Variants in ENO2 observed in about 807,000 individuals in gnomAD.
The protein encoded by ENO2 is gamma-enolase.
ENO2 carries 19 observed loss-of-function variants against 48.7 expected under a neutral mutation model. The observed-to-expected ratio is 0.39, with a 90% confidence interval of 0.27 to 0.57. The LOEUF (loss-of-function observed/expected upper bound fraction) is 0.57, where lower values mean the gene tolerates loss of function less well. ENO2 is among the 20% of genes least tolerant of loss of function. The pLI, the probability that ENO2 is intolerant of heterozygous loss-of-function variation, is 0.58. For synonymous variants in ENO2, 198 were observed against 213.4 expected, an observed-to-expected ratio of 0.93 and a Z score of 0.63; for missense variants, 416 against 555.0, an observed-to-expected ratio of 0.75 and a Z score of 2.52.
chr12:6,922,223 C>T lies in ENO2; in HGVS notation c.1176+59C>T, dbSNP rs1945347544. On this transcript the variant is annotated intron_variant, in intron 10 of 11. Transcript: ENST00000229277. The surrounding 1 kb of genome is among the most constrained non-coding windows in gnomAD (Gnocchi z 5.3). ...CTCTGTGGGATTGGTATTTCTAGCT[C>T]ACCCACCTGGTCTCTCCTTCCAGGT... The T allele has an allele frequency of 3.1e-6, 5 of 1,605,748 alleles. No individual in the cohort carries two copies. The highest frequency in any genetic ancestry group is 1.1e-5 in the South Asian group (1 of 90,464).
At position 6,919,592 on chromosome 12, in the gene ENO2, G is replaced by C; in HGVS notation, c.694G>C (p.Asp232His). ...CTTGGAGCTGGTGAAGGAAGCCATC[G>C]ACAAGGCTGGCTACACGGAAAAGAT... Reference protein sequence around the residue: ...EALELVKEAIDKAGYTEKIVI... With the variant: ...EALELVKEAIHKAGYTEKIVI... Residue 232 changes from aspartate to histidine, a missense_variant, in exon 8 of 12, where the codon GAC (aspartate) becomes CAC (histidine). Transcript: ENST00000229277. The C allele has an allele frequency of 6.2e-7, 1 of 1,614,104 alleles. No homozygotes were observed. The highest frequency in any genetic ancestry group is 8.5e-7 in the Non-Finnish European group (1 of 1,180,032).
intron 8 of ENO2, among the ~76,000 whole-genome samples, chr12:6,921,246 T>G (rs1945338205): frequency 6.6e-6 from 1 of 152,168 alleles, no homozygotes; most frequent in African/African-American, 2.4e-5. Context: ...TTTTAAAAAT[T>G]AGCTGAGTGT....
Position 6,918,149 on chromosome 12 carries a change from G to C in ENO2, c.654G>C (p.Leu218=). Residue 218 remains leucine, a synonymous_variant, in exon 7 of 12, where the codon CTG becomes CTC. Transcript: ENST00000229277. The stretch of plus-strand genomic sequence containing the variant: ...AAGGTGGCTTTGCCCCCAATATCCT[G>C]GAGAACAGTGAAGGTGAGGCCAGGA... ...GDEGGFAPNI[L]ENSEALELVK... is the part of the protein sequence containing the mutation. 1 of 1,614,112 alleles carries C rather than the reference G, an allele frequency of 6.2e-7. No homozygotes were observed. Among genetic ancestry groups the C allele is most frequent in the Non-Finnish European group, 8.5e-7 (1 of 1,180,004 alleles).
intron 8 of ENO2, 42 bp downstream of exon 8, chr12:6,919,805 G>C (rs1555141951): frequency 6.2e-7 from 1 of 1,603,574 alleles, no homozygotes; most frequent in Admixed American, 1.7e-5. Context: ...GGGGCAGGCA[G>C]GGACGTGTCC....
chr12:6,918,221 A>G, intron 7 of ENO2, 59 bp downstream of exon 7: 4 of 1,567,510 alleles, frequency 2.6e-6, no homozygotes, highest in Non-Finnish European at 3.5e-6. Flanking sequence ...GACATCAGAA[A>G]GGGTGACACA....
rs3741922 is a variant in ENO2, at chr12:6,923,091, G to A, written c.*291G>A. The A allele has an allele frequency of 0.012, 4,521 of 377,582 alleles. 485 individuals are homozygous for A. In the East Asian group the frequency reaches 0.21, roughly 18 times the overall value. The allele number at this position is 377,582 out of a possible 1,614,324, so 23.4% of individuals were successfully genotyped here. A position where few individuals can be genotyped will look rare whatever the true frequency, so the allele number is the denominator to read the frequency against. ...TGAGGATTATTATAAAAGGGGGTCC[G>A]TGGAAGAATGATCAGCATCTGTGAT... On this transcript the variant is annotated 3_prime_UTR_variant, in exon 12 of 12. Coordinates refer to ENST00000229277, the MANE Select transcript of ENO2 (RefSeq NM_001975.3).
chr12:6,915,687 C>T, intron 1 of ENO2, 134 bp from the exon 2 acceptor site: 1 of 514,592 alleles, frequency 1.9e-6, no homozygotes, highest in Admixed American at 2.6e-5. Flanking sequence ...GCAGCCAGCG[C>T]CTCCCTACCC....
chr12:6,921,981 C>A, intron 9 of ENO2, 75 bp from the exon 10 acceptor site: 1 of 1,593,310 alleles, frequency 6.3e-7, no homozygotes, highest in African/African-American at 1.3e-5. Flanking sequence ...TGTTTCCTGA[C>A]ATAGACCAAG....
At chr12:6,919,212 A>C (rs913502284) in intron 7 of ENO2, among the ~76,000 whole-genome samples, 12 of 152,162 alleles carry the variant, frequency 7.9e-5, no homozygotes, top group African/African-American at 2.9e-4. Context: ...AATAACCTGG[A>C]TTTATTTGAA....
Position 6,922,022 on chromosome 12 carries a change from A to G in ENO2, c.1068-34A>G, listed in dbSNP as rs994699539. ...GGCTGGGAAGAGAGTGCCCAGTGTG[A>G]GAGCTGGAGAATCAGTGCTGTGTGT... is the stretch of plus-strand genomic sequence containing the variant. On this transcript the variant is annotated intron_variant, in intron 9 of 11. Transcript: ENST00000229277. This position sits in a 1 kb window ranked among gnomAD's most constrained non-coding sequence, Gnocchi z 5.3. 1 of 1,612,004 alleles carries G rather than the reference A, an allele frequency of 6.2e-7. No homozygotes were observed.
In ENO2 at chr12:6,916,367, C is replaced by T; in HGVS notation, c.86-50C>T. 2 of 1,565,278 alleles carry T rather than the reference C, an allele frequency of 1.3e-6. No homozygotes were observed. Among genetic ancestry groups the T allele is most frequent in the Non-Finnish European group, 1.7e-6 (2 of 1,148,764 alleles). Reference sequence around the variant, plus strand: ...TAGAGCCAGAAGGCTGAAGGACTCCCTGGCCCCTGTGTCCTCTTCACTCCC... The same window carrying T: ...TAGAGCCAGAAGGCTGAAGGACTCCTTGGCCCCTGTGTCCTCTTCACTCCC... On this transcript the variant is annotated intron_variant, in intron 2 of 11. Transcript: ENST00000229277. The surrounding 1 kb of genome is among the most constrained non-coding windows in gnomAD (Gnocchi z 4.5).
chr12:6,916,332 G>A lies in ENO2; in HGVS notation c.86-85G>A. Reference sequence around the variant, plus strand: ...GTGGGGAGAGAGCTAGATGTGGTAGGCAGGCAGTTTAGAGCCAGAAGGCTG... The same window carrying A: ...GTGGGGAGAGAGCTAGATGTGGTAGACAGGCAGTTTAGAGCCAGAAGGCTG... On this transcript the variant is annotated intron_variant, in intron 2 of 11. Transcript: ENST00000229277. This position sits in a 1 kb window ranked among gnomAD's most constrained non-coding sequence, Gnocchi z 4.5. 7.9e-7 allele frequency: 1 copy of A among 1,271,626 alleles called. No individual in the cohort carries two copies. Among genetic ancestry groups the A allele is most frequent in the Non-Finnish European group, 1.1e-6 (1 of 911,256 alleles). 78.8% of individuals were successfully genotyped at this position (1,271,626 alleles called of 1,614,324 possible).
chr12:6,915,963 G>A (rs782604424), intron 2 of ENO2, 46 bp downstream of exon 2: 3 of 1,607,556 alleles, frequency 1.9e-6, no homozygotes, highest in Non-Finnish European at 2.6e-6. Context: ...GCTTTTCCAC[G>A]GCCAGGCTGG....
chr12:6,921,743 A>G lies in ENO2; in HGVS notation c.1028A>G (p.Lys343Arg). ...AAGGCCTGCAACTGTCTGCTGCTCA[A>G]GGTCAACCAGATCGGCTCGGTCACT... ...EEKACNCLLLKVNQIGSVTEA... is the reference protein window; with the variant it reads ...EEKACNCLLLRVNQIGSVTEA... Residue 343 changes from lysine to arginine, a missense_variant, in exon 9 of 12, where the codon AAG becomes AGG. Physicochemically the swap from Lys to Arg is conservative, Grantham distance 26. Transcript: ENST00000229277. 1 of 1,614,180 alleles carries G rather than the reference A, an allele frequency of 6.2e-7. No individual in the cohort carries two copies. Among genetic ancestry groups the G allele is most frequent in the Non-Finnish European group, 8.5e-7 (1 of 1,180,038 alleles).
chr12:6,918,926 G>T (rs1442227056), intron 7 of ENO2, among the ~76,000 whole-genome samples: 13 of 149,040 alleles, frequency 8.7e-5, no homozygotes, highest in African/African-American at 3.0e-4. Context: ...AGGTTGTGGT[G>T]AGCCGAGATC....
Position 6,919,726 on chromosome 12 carries a change from G to A in ENO2, c.828G>A (p.Leu276=). The change falls in exon 8 of 12, where the codon CTG becomes CTA. Residue 276 remains leucine (L), a synonymous_variant. Coordinates refer to ENST00000229277, the MANE Select transcript of ENO2 (RefSeq NM_001975.3). ...CCCGATACATCACTGGGGACCAGCT[G>A]GGGGCACTCTACCAGGACTTTGTCA... The part of the protein sequence containing the change: ...DPSRYITGDQ[L]GALYQDFVRD... 2 of 1,614,026 alleles carry A rather than the reference G, an allele frequency of 1.2e-6. No homozygotes were observed. The highest frequency in any genetic ancestry group is 1.7e-6 in the Non-Finnish European group (2 of 1,180,014).
At chr12:6,917,375 C>G in intron 5 of ENO2, 1 of 740,470 alleles carries the variant, frequency 1.4e-6, no homozygotes, top group East Asian at 2.7e-5. Context: ...AGAGGTGTGG[C>G]TCTCTGCCGT....
In ENO2 at chr12:6,916,316, G is replaced by C; in HGVS notation, c.86-101G>C. On this transcript the variant is annotated intron_variant, in intron 2 of 11. Coordinates refer to ENST00000229277, the MANE Select transcript of ENO2 (RefSeq NM_001975.3). This position sits in a 1 kb window ranked among gnomAD's most constrained non-coding sequence, Gnocchi z 4.5. ...GATGTTAGGGAGCAGTGTGGGGAGA[G>C]AGCTAGATGTGGTAGGCAGGCAGTT... is the stretch of plus-strand genomic sequence containing the variant. 1 of 1,059,510 alleles carries C rather than the reference G, an allele frequency of 9.4e-7. No individual in the cohort carries two copies. Among genetic ancestry groups the C allele is most frequent in the Non-Finnish European group, 1.4e-6 (1 of 728,272 alleles). The allele number at this position is 1,059,510 out of a possible 1,614,324, so 65.6% of individuals were successfully genotyped here. A position where few individuals can be genotyped will look rare whatever the true frequency, so the allele number is the denominator to read the frequency against.
chr12:6,918,789 C>G (rs1555141868), intron 7 of ENO2, among the ~76,000 whole-genome samples: 2 of 150,860 alleles, frequency 1.3e-5, no homozygotes, highest in Non-Finnish European at 3.0e-5. Context: ...TGAGACCAGC[C>G]TGGCCAACAA....
Sources: gnomAD v4.1 joint callset for allele counts (sites outside exome capture counted in the v4.1 genomes callset) on GRCh38, gnomAD v4.1.1 for gene constraint, Gnocchi (gnomAD v3.1) non-coding constraint, MANE v1.5 for transcripts, NCBI Gene and HGNC (gene_info 2026-07-23, HGNC 2026-07-21) for gene names.